The following NRXN3 variants were observed in gnomAD, a reference collection of about 807,000 sequenced individuals.
NRXN3 encodes the protein neurexin III.
In NRXN3, 32 loss-of-function variants were observed where a neutral mutation model predicts 137.6. The ratio of observed to expected loss-of-function variants is 0.23; its 90% CI spans 0.18 to 0.31. The LOEUF is 0.31. NRXN3 is among the 10% of genes least tolerant of loss of function. NRXN3 has a pLI of 1.00. For synonymous variants in NRXN3, 798 were observed against 784.5 expected, an observed-to-expected ratio of 1.02 and a Z score of -0.29; for missense variants, 1,574 against 2,062.5, an observed-to-expected ratio of 0.76 and a Z score of 4.59.
chr14:79,631,713 C>T (rs1213560884), intron 16 of NRXN3, among the ~76,000 whole-genome samples: 2 of 151,724 alleles, frequency 1.3e-5, no homozygotes, highest in Admixed American at 1.3e-4. Context: ...TGTAAACACC[C>T]AATCAGCACT....
At chr14:78,947,559 G>A (rs1481498605) in intron 10 of NRXN3, among the ~76,000 whole-genome samples, 2 of 152,188 alleles carry the variant, frequency 1.3e-5, no homozygotes, top group Admixed American at 1.3e-4. Context: ...ATTTAAGAAT[G>A]ATCGTAACCT....
At chr14:79,467,081 G>T (rs563685543) in intron 15 of NRXN3, 140 bp from the exon 16 acceptor site, 6 of 705,178 alleles carry the variant, frequency 8.5e-6, no homozygotes, top group Non-Finnish European at 1.3e-5. Context: ...TTTGGGAGCC[G>T]TTCCTCTCAG....
At chr14:78,752,860 A>C (rs1283718156) in intron 8 of NRXN3, among the ~76,000 whole-genome samples, 3 of 152,218 alleles carry the variant, frequency 2.0e-5, no homozygotes, top group Admixed American at 1.3e-4. Flanking sequence ...TTCTAAGGAC[A>C]TCAGGAAGCT....
At chr14:78,631,922 T>G (rs1040991116) in intron 4 of NRXN3, among the ~76,000 whole-genome samples, 1 of 151,780 alleles carries the variant, frequency 6.6e-6, no homozygotes, top group Non-Finnish European at 1.5e-5. Flanking sequence ...CCTGGCTAAT[T>G]TGGTGAAACC....
intron 19 of NRXN3, among the ~76,000 whole-genome samples, chr14:79,800,237 C>A (rs900181000): frequency 2.0e-5 from 3 of 152,188 alleles, no homozygotes; most frequent in Non-Finnish European, 4.4e-5. Flanking sequence ...ACATTCCCAA[C>A]GTAACTATGA....
intron 15 of NRXN3, among the ~76,000 whole-genome samples, chr14:79,034,470 A>T (rs1752361516): frequency 6.6e-6 from 1 of 152,066 alleles, no homozygotes; most frequent in Admixed American, 6.6e-5. Context: ...ATTTTGGGGC[A>T]AGTCGCTTAA....
intron 16 of NRXN3, among the ~76,000 whole-genome samples, chr14:79,619,863 C>A (rs2098203060): frequency 6.6e-6 from 1 of 152,062 alleles, no homozygotes; most frequent in Admixed American, 6.6e-5. Flanking sequence ...ATCATGAGTG[C>A]CCATTTGAGT....
intron 15 of NRXN3, among the ~76,000 whole-genome samples, chr14:79,177,210 A>G (rs927477872): frequency 6.6e-6 from 1 of 152,220 alleles, no homozygotes; most frequent in Non-Finnish European, 1.5e-5. Flanking sequence ...CCTCTAAAAT[A>G]GTCCCTTTCT....
At chr14:79,395,165 A>G (rs1050193573) in intron 15 of NRXN3, among the ~76,000 whole-genome samples, 1 of 152,202 alleles carries the variant, frequency 6.6e-6, no homozygotes, top group African/African-American at 2.4e-5. Context: ...GGAAGATATG[A>G]AATATTCCCT....
At chr14:79,675,495 G>A (rs1458578244) in intron 17 of NRXN3, among the ~76,000 whole-genome samples, 2 of 152,074 alleles carry the variant, frequency 1.3e-5, no homozygotes, top group Non-Finnish European at 1.5e-5. Context: ...ATCACGGATA[G>A]TTGGAAGCCT....
chr14:78,380,752 T>C (rs551947956), intron 4 of NRXN3, among the ~76,000 whole-genome samples: 5 of 151,748 alleles, frequency 3.3e-5, no homozygotes, highest in Admixed American at 1.3e-4. Flanking sequence ...CAGACACTAA[T>C]ACACAGGTTG....
chr14:79,295,270 G>C (rs530050763), intron 15 of NRXN3, among the ~76,000 whole-genome samples: 1 of 151,544 alleles, frequency 6.6e-6, no homozygotes, highest in Non-Finnish European at 1.5e-5. Flanking sequence ...CCAGATTGCC[G>C]TATGGCCACT....
intron 4 of NRXN3, among the ~76,000 whole-genome samples, chr14:78,324,426 G>GA (rs917203827): frequency 6.6e-6 from 1 of 151,986 alleles, no homozygotes; most frequent in East Asian, 1.9e-4. Flanking sequence ...AAAGTGGGAA[G>GA]AAAAAAATGC....
At chr14:79,059,250 C>CTATTTTTTTTTTTTTTTTTTTT (rs2099670783) in intron 15 of NRXN3, among the ~76,000 whole-genome samples, 1 of 78,320 alleles carries the variant, frequency 1.3e-5, no homozygotes, top group Non-Finnish European at 2.5e-5. Flanking sequence ...AGGCCCTATT[C>CTATTTTTTTTTTTTTTTTTTTT]TTTTTTTTTT....
chr14:78,709,219 T>A lies in NRXN3; in HGVS notation c.1224T>A (p.Val408=), dbSNP rs755724129. 8 of 1,608,606 alleles carry A rather than the reference T, an allele frequency of 5.0e-6. No homozygotes were observed. In the South Asian group the frequency reaches 8.9e-5, roughly 18 times the overall value. Residue 408 remains valine (V), a splice_region_variant and synonymous_variant, in exon 7 of 21, where the codon GTT becomes GTA. Coordinates refer to ENST00000335750, the MANE Select transcript of NRXN3 (RefSeq NM_001330195.2). ...SNNFMGCLKE[V]VYKNNDIRLE... ...CACTTTTGTTTGGCTTTTGACAGGT[T>A]GTTTATAAGAATAATGACATCCGTC...
chr14:78,777,771 A>ATTTATTTTTT, intron 8 of NRXN3, among the ~76,000 whole-genome samples: 1 of 151,932 alleles, frequency 6.6e-6, no homozygotes, highest in South Asian at 2.1e-4. Context: ...TTTTTTAAAA[A>ATTTATTTTTT]TTTATTTTTG....
At position 79,731,480 on chromosome 14, in the gene NRXN3, T is replaced by C. The variant is rs1327016270; in HGVS notation, c.4014+33543T>C. Among the ~76,000 whole-genome samples the C allele has an allele frequency of 3.3e-5, 5 of 152,224 alleles. No homozygotes were observed. In the East Asian group the frequency reaches 9.6e-4, roughly 29 times the overall value. The stretch of plus-strand genomic sequence containing the variant: ...TATTTTCCAATTTAACATTCATTCC[T>C]TCCAGATATGTTCTTACTCGTTCTT... On this transcript the variant is annotated intron_variant, in intron 19 of 20. Coordinates refer to ENST00000335750, the MANE Select transcript of NRXN3 (RefSeq NM_001330195.2).
intron 19 of NRXN3, among the ~76,000 whole-genome samples, chr14:79,732,491 C>T (rs905436605): frequency 3.3e-5 from 5 of 152,032 alleles, no homozygotes; most frequent in Admixed American, 6.6e-5. Context: ...TAAGGCCAGT[C>T]CTGTTAGGCA....
chr14:79,356,810 C>T (rs2093439956), intron 15 of NRXN3, among the ~76,000 whole-genome samples: 1 of 152,134 alleles, frequency 6.6e-6, no homozygotes. Flanking sequence ...TCACTGCAAC[C>T]TAAGCCTCCT....
Sources: allele counts gnomAD v4.1 joint callset (sites outside exome capture counted in the v4.1 genomes callset), GRCh38; gene constraint gnomAD v4.1.1; transcripts MANE v1.5; gene names NCBI Gene and HGNC (gene_info 2026-07-23, HGNC 2026-07-21).